Variants in SBF2 observed in about 807,000 individuals in gnomAD.
SBF2 encodes SET binding factor 2.
A neutral mutation model predicts 225.2 loss-of-function variants in SBF2; 112 were observed. The observed-to-expected ratio is 0.50, with a 90% CI of 0.43 to 0.58. The LOEUF is 0.58. Ranked by LOEUF, SBF2 falls within the 20% of genes least tolerant of loss-of-function variation. SBF2 has a pLI of 0.00. For missense variants in SBF2, 1,996 were observed against 2,206.2 expected, an observed-to-expected ratio of 0.90 and a Z score of 1.91; for synonymous variants, 763 against 773.3, an observed-to-expected ratio of 0.99 and a Z score of 0.22.
intron 1 of SBF2, among the ~76,000 whole-genome samples, chr11:10,280,571 T>C (rs767303727): frequency 2.6e-4 from 40 of 152,328 alleles, no homozygotes; most frequent in Non-Finnish European, 5.1e-4. Context: ...AGAATAGGCA[T>C]TCAAAGTTTT....
At chr11:10,299,303 A>C (rs1379303258) in intron 1 of SBF2, among the ~76,000 whole-genome samples, 1 of 135,996 alleles carries the variant, frequency 7.4e-6, no homozygotes, top group Non-Finnish European at 1.5e-5. Context: ...GCACCACTGC[A>C]CTCCAGCCTG....
chr11:10,133,088 C>A (rs1429081666), intron 2 of SBF2, among the ~76,000 whole-genome samples: 2 of 147,298 alleles, frequency 1.4e-5, no homozygotes, highest in Non-Finnish European at 3.0e-5. Context: ...AGGTTCTCCA[C>A]TTCCTCACCA....
intron 17 of SBF2, among the ~76,000 whole-genome samples, chr11:9,891,625 T>G (rs184007821): frequency 6.6e-6 from 1 of 152,188 alleles, no homozygotes; most frequent in Non-Finnish European, 1.5e-5. Context: ...TATAAAAGAT[T>G]ACATTATTTT....
In SBF2 at chr11:9,779,648, A is replaced by G. The variant is rs1425380437; in HGVS notation, c.*770T>C. On this transcript the variant is annotated 3_prime_UTR_variant, in exon 40 of 40. Transcript: ENST00000256190. ...AGTTAGTGCATTCAGCTTTTTTTGC[A>G]TGTTATTTTGAAAAAGAAGCTGTCA... The G allele has an allele frequency of 6.5e-6, 1 of 152,816 alleles. No individual in the cohort carries two copies. Among genetic ancestry groups the G allele is most frequent in the Non-Finnish European group, 1.5e-5 (1 of 68,270 alleles). 9.5% of individuals were successfully genotyped at this position (152,816 alleles called of 1,614,324 possible).
chr11:10,261,996 C>T (rs12271159), intron 1 of SBF2, among the ~76,000 whole-genome samples: 3,255 of 151,934 alleles, frequency 0.021, 89 homozygotes, highest in African/African-American at 0.064. Context: ...TCAGAAGGGG[C>T]ATAATATACT....
intron 1 of SBF2, among the ~76,000 whole-genome samples, chr11:10,231,331 C>G (rs1231366000): frequency 6.6e-6 from 1 of 152,208 alleles, no homozygotes; most frequent in East Asian, 1.9e-4. Context: ...CTCCGTCCAG[C>G]TGTGTTCCGT....
intron 2 of SBF2, among the ~76,000 whole-genome samples, chr11:10,154,361 C>G (rs766206231): frequency 1.7e-4 from 26 of 151,968 alleles, no homozygotes; most frequent in Non-Finnish European, 7.4e-5. Context: ...AAGAAAATCC[C>G]TATGAAATAG....
intron 2 of SBF2, among the ~76,000 whole-genome samples, chr11:10,113,592 G>A (rs1302927714): frequency 6.6e-6 from 1 of 152,116 alleles, no homozygotes; most frequent in Non-Finnish European, 1.5e-5. Context: ...GACTAAAGAT[G>A]TAGATGGCAA....
intron 1 of SBF2, among the ~76,000 whole-genome samples, chr11:10,272,763 TTAAAA>T (rs1291805894): frequency 8.3e-6 from 1 of 120,338 alleles, no homozygotes; most frequent in Non-Finnish European, 1.9e-5. Flanking sequence ...AGACCTTGTC[TTAAAA>T]TAATAATAAT....
At chr11:9,972,235 T>C (rs1946494839) in intron 13 of SBF2, among the ~76,000 whole-genome samples, 1 of 152,084 alleles carries the variant, frequency 6.6e-6, no homozygotes. Flanking sequence ...AACGAGCTGT[T>C]ACAGTAAAGC....
intron 16 of SBF2, among the ~76,000 whole-genome samples, chr11:9,951,218 GACA>G (rs1277648210): frequency 6.6e-6 from 1 of 152,214 alleles, no homozygotes; most frequent in Non-Finnish European, 1.5e-5. Context: ...CCTGGGGACT[GACA>G]GCAGTGAACG....
chr11:9,800,054 A>G (rs1159326652), intron 32 of SBF2, among the ~76,000 whole-genome samples: 3 of 152,140 alleles, frequency 2.0e-5, no homozygotes, highest in Non-Finnish European at 4.4e-5. Context: ...CCTGGCCAAT[A>G]TGGTGAAACA....
intron 1 of SBF2, among the ~76,000 whole-genome samples, chr11:10,232,561 ATTTTTTT>A (rs5789629): frequency 1.4e-5 from 2 of 141,340 alleles, no homozygotes; most frequent in Non-Finnish European, 3.1e-5. Context: ...TTTTGTCTTA[ATTTTTTT>A]TTTTTTTTTG....
Position 9,962,032 on chromosome 11 carries a change from A to G in SBF2, c.1785T>C (p.His595=). The G allele has an allele frequency of 6.2e-7, 1 of 1,614,006 alleles. No homozygotes were observed. Among genetic ancestry groups the G allele is most frequent in the Non-Finnish European group, 8.5e-7 (1 of 1,179,864 alleles). ...RQCLTDELGL[H]VQQNRAILDH... is the part of the protein sequence containing the mutation. ...CTAATATTGCCCGGTTTTGCTGGAC[A>G]TGCAAACCCAATTCATCAGTGAGAC... is the stretch of plus-strand genomic sequence containing the variant. Residue 595 remains histidine (H), a synonymous_variant, in exon 16 of 40, where the codon CAT becomes CAC. Transcript: ENST00000256190.
At chr11:10,188,569 T>C (rs926134917) in intron 2 of SBF2, among the ~76,000 whole-genome samples, 2 of 152,294 alleles carry the variant, frequency 1.3e-5, no homozygotes, top group African/African-American at 2.4e-5. Flanking sequence ...AGGGTATCGA[T>C]GCACTGACAA....
At chr11:10,258,272 T>C (rs1961076937) in intron 1 of SBF2, among the ~76,000 whole-genome samples, 1 of 152,108 alleles carries the variant, frequency 6.6e-6, no homozygotes, top group Non-Finnish European at 1.5e-5. Flanking sequence ...ATCTAGCTAA[T>C]TTTTTATTTT....
chr11:10,038,624 C>T (rs759039943), intron 3 of SBF2, among the ~76,000 whole-genome samples: 22 of 151,844 alleles, frequency 1.4e-4, no homozygotes, highest in Non-Finnish European at 3.1e-4. Flanking sequence ...TTCTGCTTCC[C>T]AAGCTAGATT....
chr11:9,983,273 G>A (rs564910724), intron 13 of SBF2, among the ~76,000 whole-genome samples: 6 of 152,248 alleles, frequency 3.9e-5, no homozygotes, highest in African/African-American at 1.4e-4. Flanking sequence ...CCTTCTGTTT[G>A]CGTGGGAGCT....
At position 10,118,941 on chromosome 11, in the gene SBF2, A is replaced by C. The variant is rs542391299; in HGVS notation, c.141+74961T>G. On this transcript the variant is annotated intron_variant, in intron 2 of 39. Coordinates refer to ENST00000256190, the MANE Select transcript of SBF2 (RefSeq NM_030962.4). ...AAAACTAAACAAACAAACAAACAAA[A>C]AAAAAACACTCAGCATCTTCCTCTG... Among the ~76,000 whole-genome samples the C allele has an allele frequency of 1.4e-3, 207 of 151,784 alleles. 1 individual carries two copies. The highest frequency in any genetic ancestry group is 3.5e-3 in the East Asian group (18 of 5,184).
Sources: allele counts gnomAD v4.1 joint callset (sites outside exome capture counted in the v4.1 genomes callset), GRCh38; gene constraint gnomAD v4.1.1; transcripts MANE v1.5; gene names NCBI Gene and HGNC (gene_info 2026-07-23, HGNC 2026-07-21).